Variants in PCGF6 observed in about 807,000 individuals in gnomAD.
The protein encoded by PCGF6 is polycomb group RING finger protein 6.
Under a neutral mutation model 45.5 loss-of-function variants are expected in PCGF6, and 24 were observed. The ratio of observed to expected loss-of-function variants is 0.53; its 90% confidence interval spans 0.38 to 0.74. The LOEUF (loss-of-function observed/expected upper bound fraction) is 0.74. PCGF6 is among the 30% of genes least tolerant of loss of function. PCGF6 has a pLI of 0.00. For synonymous variants in PCGF6, 152 were observed against 162.1 expected (o/e 0.94, Z 0.47); for missense variants, 356 against 443.2 (o/e 0.80, Z 1.77).
intron 9 of PCGF6, among the ~76,000 whole-genome samples, 179 bp from the exon 10 acceptor site, chr10:103,304,140 CTTTT>C (rs34732054): frequency 7.0e-6 from 1 of 142,738 alleles, no homozygotes; most frequent in African/African-American, 2.6e-5. Flanking sequence ...TGTGAATGTG[CTTTT>C]TTTTTTTTTT....
At chr10:103,326,344 G>A (rs2093218359) in intron 8 of PCGF6, among the ~76,000 whole-genome samples, 190 bp downstream of exon 8, 5 of 148,384 alleles carry the variant, frequency 3.4e-5, no homozygotes, top group Admixed American at 1.4e-4. Context: ...AGCTGAGATC[G>A]TGCCACTGCA....
At chr10:103,308,596 G>C (rs1223702361) in intron 9 of PCGF6, among the ~76,000 whole-genome samples, 2 of 152,098 alleles carry the variant, frequency 1.3e-5, no homozygotes, top group East Asian at 3.9e-4. Flanking sequence ...TGAGAGCCAG[G>C]CATGGTGGAT....
At chr10:103,328,895 G>C (rs1484400170) in intron 7 of PCGF6, among the ~76,000 whole-genome samples, 3 of 151,650 alleles carry the variant, frequency 2.0e-5, no homozygotes, top group Non-Finnish European at 4.4e-5. Flanking sequence ...GGGACTACAG[G>C]CGTGTACCAC....
intron 8 of PCGF6, among the ~76,000 whole-genome samples, chr10:103,320,588 G>A (rs2093193635): frequency 6.6e-6 from 1 of 152,116 alleles, no homozygotes; most frequent in Non-Finnish European, 1.5e-5. Flanking sequence ...TCAGGAGGCT[G>A]AGGCAGGATA....
In PCGF6 at chr10:103,318,944, T is replaced by C. The variant is rs117576475; in HGVS notation, c.910-4672A>G. Among the ~76,000 whole-genome samples the C allele has an allele frequency of 9.0e-4, 137 of 152,252 alleles. 4 individuals are homozygous for C. In the East Asian group the frequency reaches 0.019, roughly 21 times the overall value. On this transcript the variant is annotated intron_variant, in intron 8 of 9. Transcript: ENST00000369847. ...CAAGGCTGATACGTTAACTCTTTTG[T>C]GCATAATATCTTACCCTCTGGAGTA...
chr10:103,350,508 G>A (rs1426642010), intron 1 of PCGF6, among the ~76,000 whole-genome samples, 199 bp downstream of exon 1: 1 of 152,190 alleles, frequency 6.6e-6, no homozygotes, highest in African/African-American at 2.4e-5. Context: ...CACAAAATAA[G>A]CGGGTAAAGA....
Position 103,317,787 on chromosome 10 carries a change from G to A in PCGF6, c.910-3515C>T, listed in dbSNP as rs569522459. ...TGTTTTTTTTTTGAGACAGAGTTTC[G>A]CTCTTGTTGTCCAGGCTGGAGGGCA... On this transcript the variant is annotated intron_variant, in intron 8 of 9. Coordinates refer to ENST00000369847, the MANE Select transcript of PCGF6 (RefSeq NM_001011663.2). 2.2e-4 allele frequency among the ~76,000 whole-genome samples: 33 copies of A among 151,024 alleles called. No individual in the cohort carries two copies. The South Asian group carries it at 5.6e-3, about 26-fold the overall frequency.
chr10:103,308,703 C>T (rs2093146141), intron 9 of PCGF6, among the ~76,000 whole-genome samples: 2 of 151,872 alleles, frequency 1.3e-5, no homozygotes, highest in Admixed American at 1.3e-4. Flanking sequence ...AAAACCCCAT[C>T]TCTACAAAAA....
intron 9 of PCGF6, among the ~76,000 whole-genome samples, chr10:103,311,791 A>G (rs577733632): frequency 4.0e-5 from 6 of 151,846 alleles, no homozygotes; most frequent in Middle Eastern, 3.4e-3. Context: ...GATTTACCCA[A>G]TAGGCCATGA....
At chr10:103,328,261 G>A (rs1273972898) in intron 7 of PCGF6, among the ~76,000 whole-genome samples, 4 of 152,130 alleles carry the variant, frequency 2.6e-5, no homozygotes, top group African/African-American at 7.2e-5. Flanking sequence ...CTAGGGAACC[G>A]AGGCACACAT....
intron 7 of PCGF6, among the ~76,000 whole-genome samples, chr10:103,328,431 C>T (rs886531227): frequency 6.6e-6 from 1 of 152,042 alleles, no homozygotes; most frequent in Non-Finnish European, 1.5e-5. Flanking sequence ...ATGGTCTGCC[C>T]GTTATTACCA....
At chr10:103,330,800 G>A (rs1412846919) in intron 7 of PCGF6, among the ~76,000 whole-genome samples, 5 of 152,114 alleles carry the variant, frequency 3.3e-5, no homozygotes, top group East Asian at 3.9e-4. Context: ...GTGGTGGGGC[G>A]CACCTGTAAT....
In PCGF6 at chr10:103,350,892, A is replaced by G. The variant is rs764418443; in HGVS notation, c.175T>C (p.Ser59Pro). The G allele has an allele frequency of 1.7e-4, 266 of 1,526,364 alleles. No individual in the cohort carries two copies. The highest frequency in any genetic ancestry group is 2.1e-4 in the Non-Finnish European group (245 of 1,139,998). The allele number at this position is 1,526,364 out of a possible 1,614,324, so 94.6% of individuals were successfully genotyped here. The change falls in exon 1 of 10, where the codon TCC (serine) becomes CCC (proline). Residue 59 changes from serine to proline, a missense_variant. Coordinates refer to ENST00000369847, the MANE Select transcript of PCGF6 (RefSeq NM_001011663.2). ...SETGAPGCSG[S>P]RPPELEPERS... Reference sequence around the variant, plus strand: ...TCCGGCTCCAGCTCAGGGGGCCGGGAGCCGGAGCAGCCGGGAGCCCCCGTC... The same window carrying G: ...TCCGGCTCCAGCTCAGGGGGCCGGGGGCCGGAGCAGCCGGGAGCCCCCGTC...
chr10:103,305,559 C>T (rs116442807), intron 9 of PCGF6, among the ~76,000 whole-genome samples: 80 of 152,264 alleles, frequency 5.3e-4, no homozygotes, highest in African/African-American at 1.9e-3. Context: ...GTGTGACCCG[C>T]TGCACCCGGC....
At chr10:103,345,171 A>AAATGCCAT (rs1187592519) in intron 5 of PCGF6, 39 bp from the exon 6 acceptor site, 2 of 1,388,074 alleles carry the variant, frequency 1.4e-6, no homozygotes, top group Admixed American at 3.9e-5. Flanking sequence ...TTAAGAATAA[A>AAATGCCAT]AATGCCATAA....
intron 6 of PCGF6, among the ~76,000 whole-genome samples, chr10:103,338,661 G>A (rs1189202323): frequency 6.6e-6 from 1 of 151,790 alleles, no homozygotes; most frequent in African/African-American, 2.4e-5. Context: ...GAGGTCAGGA[G>A]TTCGAGACCA....
intron 7 of PCGF6, 54 bp from the exon 8 acceptor site, chr10:103,326,686 A>G (rs772842390): frequency 8.0e-5 from 103 of 1,292,330 alleles, no homozygotes; most frequent in Non-Finnish European, 1.0e-4. Context: ...CTGTACATGC[A>G]TGACGTATGT....
intron 7 of PCGF6, among the ~76,000 whole-genome samples, chr10:103,327,838 C>A (rs2093224778): frequency 1.4e-5 from 2 of 145,298 alleles, no homozygotes; most frequent in Admixed American, 7.0e-5. Context: ...CTACGCCCAA[C>A]TAATTTTTTT....
chr10:103,345,421 A>G (rs1469478090), intron 5 of PCGF6, among the ~76,000 whole-genome samples: 2 of 152,028 alleles, frequency 1.3e-5, no homozygotes, highest in South Asian at 2.1e-4. Context: ...AAGCACTACT[A>G]TGTGTCAGGG....
Sources: allele counts gnomAD v4.1 joint callset (sites outside exome capture counted in the v4.1 genomes callset), GRCh38; gene constraint gnomAD v4.1.1; transcripts MANE v1.5; gene names NCBI Gene and HGNC (gene_info 2026-07-23, HGNC 2026-07-21).